Variants in ACVRL1 observed in about 807,000 individuals in gnomAD.
ACVRL1 encodes activin receptor type-1-like.
In ACVRL1, 20 loss-of-function variants were observed where a neutral mutation model predicts 51.9. That is an observed-to-expected ratio of 0.39 (90% CI 0.27 to 0.56). The LOEUF (loss-of-function observed/expected upper bound fraction) is 0.56. Ranked by LOEUF, ACVRL1 falls within the 20% of genes least tolerant of loss-of-function variation. The probability of loss-of-function intolerance (pLI) is 0.67; values close to 1 mark genes in which losing one functional copy is unlikely to be tolerated. For missense variants in ACVRL1, 451 were observed against 670.3 expected, an observed-to-expected ratio of 0.67 and a Z score of 3.61; for synonymous variants, 288 against 280.9, an observed-to-expected ratio of 1.03 and a Z score of -0.25.
rs201489901 is a variant in ACVRL1, at chr12:51,915,379, C to A, written c.927C>A (p.Gly309=). 91 of 1,614,064 alleles carry A rather than the reference C, an allele frequency of 5.6e-5. No individual in the cohort carries two copies. The highest frequency in any genetic ancestry group is 8.5e-6 in the Non-Finnish European group (10 of 1,180,054). Reference sequence around the variant, plus strand: ...GGCTAGCTGTGTCCGCGGCATGCGGCCTGGCGCACCTGCACGTGGAGATCT... The same window carrying A: ...GGCTAGCTGTGTCCGCGGCATGCGGACTGGCGCACCTGCACGTGGAGATCT... ...ALRLAVSAAC[G]LAHLHVEIFG... Residue 309 remains glycine, a synonymous_variant, in exon 7 of 10, where the codon GGC becomes GGA. Coordinates refer to ENST00000388922, the MANE Select transcript of ACVRL1 (RefSeq NM_000020.3).
chr12:51,916,091 G>A lies in ACVRL1; in HGVS notation c.1104G>A (p.Pro368=), dbSNP rs147885255. 7.6e-5 allele frequency: 123 copies of A among 1,613,380 alleles called. No homozygotes were observed. Among genetic ancestry groups the A allele is most frequent in the East Asian group, 5.4e-4 (24 of 44,852 alleles). The part of the protein sequence containing the change: ...GSDYLDIGNN[P]RVGTKRYMAP... ...ATTACCTGGACATCGGCAACAACCC[G>A]AGAGTGGGCACCAAGCGGTACATGG... The change falls in exon 8 of 10, where the codon CCG becomes CCA. Residue 368 remains proline, a synonymous_variant. Coordinates refer to ENST00000388922, the MANE Select transcript of ACVRL1 (RefSeq NM_000020.3).
In ACVRL1 at chr12:51,913,319, C is replaced by G. The variant is rs1379657937; in HGVS notation, c.282C>G (p.Leu94=). The change falls in exon 3 of 10, where the codon CTC becomes CTG. Residue 94 remains leucine (L), a synonymous_variant. Transcript: ENST00000388922. The part of the protein sequence containing the change: ...FVNHYCCDSH[L]CNHNVSLVLE... ...ACCACTACTGCTGCGACAGCCACCT[C>G]TGCAACCACAACGTGTCCCTGGTGC... 1 of 1,612,126 alleles carries G rather than the reference C, an allele frequency of 6.2e-7. No homozygotes were observed. The highest frequency in any genetic ancestry group is 1.3e-5 in the African/African-American group (1 of 74,880).
chr12:51,915,762 C>T (rs963563418), intron 7 of ACVRL1: 29 of 650,484 alleles, frequency 4.5e-5, no homozygotes, highest in Non-Finnish European at 7.2e-5. Context: ...CTGGTTTCGC[C>T]AGCCTCCAGG....
intron 9 of ACVRL1, among the ~76,000 whole-genome samples, chr12:51,919,496 A>G (rs1033672389): frequency 9.2e-5 from 14 of 151,814 alleles, no homozygotes; most frequent in African/African-American, 3.4e-4. Context: ...CCTCGGCTCA[A>G]CTGATCCTAC....
intron 9 of ACVRL1, 44 bp from the exon 10 acceptor site, chr12:51,920,715 C>T (rs1276089647): frequency 3.1e-6 from 5 of 1,609,246 alleles, no homozygotes; most frequent in Non-Finnish European, 4.2e-6. Flanking sequence ...CTCTGCATCT[C>T]TCTCTCTGCC....
intron 9 of ACVRL1, chr12:51,919,452 G>A (rs1469226713): frequency 3.6e-5 from 14 of 392,072 alleles, no homozygotes; most frequent in South Asian, 2.9e-4. Context: ...CTGGGGTGCA[G>A]TGGCACAGTC....
In ACVRL1 at chr12:51,914,007, G is replaced by A. The variant is rs1360699067; in HGVS notation, c.559G>A (p.Gly187Ser). 1 of 1,613,838 alleles carries A rather than the reference G, an allele frequency of 6.2e-7. No individual in the cohort carries two copies. Among genetic ancestry groups the A allele is most frequent in the Non-Finnish European group, 8.5e-7 (1 of 1,179,852 alleles). ...GGACAGTGACTGCACCACAGGGAGTGGCTCAGGGCTCCCCTTCCTGGTGCA... is the reference window on the plus strand; with the variant it reads ...GGACAGTGACTGCACCACAGGGAGTAGCTCAGGGCTCCCCTTCCTGGTGCA... ...LLDSDCTTGS[G>S]SGLPFLVQRT... Residue 187 changes from glycine (G) to serine (S), a missense_variant, in exon 5 of 10, where the codon GGC becomes AGC. Physicochemically the swap from Gly to Ser is moderately conservative, Grantham distance 56. Transcript: ENST00000388922.
Position 51,913,970 on chromosome 12 carries a change from C to A in ACVRL1, c.526-4C>A. On this transcript the variant is annotated splice_polypyrimidine_tract_variant and splice_region_variant and intron_variant, in intron 4 of 9. Coordinates refer to ENST00000388922, the MANE Select transcript of ACVRL1 (RefSeq NM_000020.3). ...GCCTCTCAGTGGCCTCTCCGTACCC[C>A]CAGGACCTCCTGGACAGTGACTGCA... 2 of 1,612,980 alleles carry A rather than the reference C, an allele frequency of 1.2e-6. No individual in the cohort carries two copies. Among genetic ancestry groups the A allele is most frequent in the East Asian group, 4.5e-5 (2 of 44,858 alleles).
intron 1 of ACVRL1, among the ~76,000 whole-genome samples, chr12:51,910,540 G>A (rs1940668824): frequency 2.0e-5 from 3 of 152,176 alleles, no homozygotes; most frequent in East Asian, 1.9e-4. Context: ...ACTGGGGCAC[G>A]GCCAGAGAAG....
intron 8 of ACVRL1, among the ~76,000 whole-genome samples, chr12:51,918,412 T>C (rs975755372): frequency 2.0e-5 from 3 of 152,244 alleles, no homozygotes; most frequent in Non-Finnish European, 2.9e-5. Context: ...GTGGAGCTCA[T>C]AGTATTACCT....
At chr12:51,909,555 C>T (rs1015906488) in intron 1 of ACVRL1, among the ~76,000 whole-genome samples, 5 of 151,978 alleles carry the variant, frequency 3.3e-5, no homozygotes, top group East Asian at 1.9e-4. Flanking sequence ...GTAGGGCACC[C>T]GTTAATAACA....
At chr12:51,919,640 G>A (rs1183013105) in intron 9 of ACVRL1, among the ~76,000 whole-genome samples, 3 of 152,074 alleles carry the variant, frequency 2.0e-5, no homozygotes, top group Admixed American at 6.5e-5. Context: ...TGATCCTCCT[G>A]CCTCAGCCTC....
At position 51,920,939 on chromosome 12, in the gene ACVRL1, T is replaced by TGTGGGGGGGG; in HGVS notation, c.*47_*48insTGGGGGGGGG. On this transcript the variant is annotated 3_prime_UTR_variant, in exon 10 of 10. Coordinates refer to ENST00000388922, the MANE Select transcript of ACVRL1 (RefSeq NM_000020.3). ...TTCTGCCTGCAGGGGGCTGGGGGGG[T>TGTGGGGGGGG]GGGGGGCAGTGGATGGTGCCCTATC... 1 of 262,672 alleles carries TGTGGGGGGGG rather than the reference T, an allele frequency of 3.8e-6. No homozygotes were observed. Among genetic ancestry groups the TGTGGGGGGGG allele is most frequent in the Admixed American group, 4.4e-5 (1 of 22,636 alleles). The allele number at this position is 262,672 out of a possible 1,614,324, so 16.3% of individuals were successfully genotyped here. A position where few individuals can be genotyped will look rare whatever the true frequency, so the allele number is the denominator to read the frequency against.
intron 9 of ACVRL1, chr12:51,919,317 A>C: frequency 1.4e-6 from 1 of 722,936 alleles, no homozygotes; most frequent in East Asian, 2.8e-5. Flanking sequence ...CTGGGATTTT[A>C]AGAACCTTCA....
At chr12:51,909,064 G>C (rs1455642692) in intron 1 of ACVRL1, among the ~76,000 whole-genome samples, 1 of 152,210 alleles carries the variant, frequency 6.6e-6, no homozygotes, top group African/African-American at 2.4e-5. Context: ...GAAGTGCAGA[G>C]TGAGTCCAGA....
At position 51,912,189 on chromosome 12, in the gene ACVRL1, G is replaced by T. The variant is rs1940704551; in HGVS notation, c.-5-281G>T. ...CTCTCCCAACCTGCCTGCAGTCTGA[G>T]CTCAGCAGCAGGAGTGCAGAGCTAG... is the stretch of plus-strand genomic sequence containing the variant. On this transcript the variant is annotated intron_variant, in intron 1 of 9. Transcript: ENST00000388922. 6 of 601,200 alleles carry T rather than the reference G, an allele frequency of 1.0e-5. No homozygotes were observed. The South Asian group carries it at 1.2e-4, about 12-fold the overall frequency. 37.2% of individuals were successfully genotyped at this position (601,200 alleles called of 1,614,324 possible).
At chr12:51,909,326 C>A (rs1463416689) in intron 1 of ACVRL1, among the ~76,000 whole-genome samples, 1 of 151,778 alleles carries the variant, frequency 6.6e-6, no homozygotes, top group Admixed American at 6.6e-5. Flanking sequence ...ATAGTGAGAC[C>A]CTATCTCTAC....
chr12:51,915,225 G>C lies in ACVRL1; in HGVS notation c.773G>C (p.Gly258Ala), dbSNP rs1940801382. The C allele has an allele frequency of 6.2e-7, 1 of 1,614,002 alleles. No individual in the cohort carries two copies. The highest frequency in any genetic ancestry group is 8.5e-7 in the Non-Finnish European group (1 of 1,180,030). ...TVLLRHDNIL[G>A]FIASDMTSRN... is the part of the protein sequence containing the mutation. The stretch of plus-strand genomic sequence containing the variant: ...AGTCACCCAACCTTTCTGCACACAG[G>C]CTTCATCGCCTCAGACATGACCTCC... Residue 258 changes from glycine (G) to alanine (A), a missense_variant and splice_region_variant, in exon 7 of 10, where the codon GGC becomes GCC. Physicochemically the swap from Gly to Ala is moderately conservative, Grantham distance 60. Around this residue, in one of 2 missense-constraint regions of ACVRL1, gnomAD observed 259 missense variants for 453.4 expected, o/e 0.57. Transcript: ENST00000388922.
At chr12:51,918,051 G>T (rs1432117995) in intron 8 of ACVRL1, among the ~76,000 whole-genome samples, 2 of 152,372 alleles carry the variant, frequency 1.3e-5, no homozygotes, top group Admixed American at 6.5e-5. Context: ...TATCGAGGTT[G>T]CGGCCTGTGT....
Sources: gnomAD v4.1 joint callset for allele counts (sites outside exome capture counted in the v4.1 genomes callset) on GRCh38, gnomAD v4.1.1 for gene constraint, gnomAD v4.1.1 regional missense constraint, MANE v1.5 for transcripts, NCBI Gene and HGNC (gene_info 2026-07-23, HGNC 2026-07-21) for gene names.